RUNX1: variants seen among roughly 807,000 people sequenced by gnomAD.
RUNX1 encodes the protein RUNX family transcription factor 1.
In RUNX1, 19 loss-of-function variants were observed where a neutral mutation model predicts 42.8. The observed-to-expected ratio is 0.44, with a 90% CI of 0.31 to 0.65. The LOEUF (loss-of-function observed/expected upper bound fraction) is 0.65. RUNX1 is among the 30% of genes least tolerant of loss of function. RUNX1 has a pLI of 0.07. For missense variants in RUNX1, 528 were observed against 672.0 expected, an observed-to-expected ratio of 0.79 and a Z score of 2.37; for synonymous variants, 271 against 289.4, an observed-to-expected ratio of 0.94 and a Z score of 0.64.
chr21:35,044,377 CT>C (rs1464053056), intron 2 of RUNX1, among the ~76,000 whole-genome samples: 2 of 152,218 alleles, frequency 1.3e-5, no homozygotes, highest in Non-Finnish European at 2.9e-5. Flanking sequence ...TGGCTGCCTT[CT>C]TAGATAACTG....
chr21:34,993,495 CCCTACACACACA>C (rs887849103), intron 2 of RUNX1, among the ~76,000 whole-genome samples: 1 of 119,020 alleles, frequency 8.4e-6, no homozygotes, highest in African/African-American at 5.0e-5. Flanking sequence ...GTTTGTTTGT[CCCTACACACACA>C]CACACACACA....
chr21:35,023,786 C>T (rs1315946130), intron 2 of RUNX1, among the ~76,000 whole-genome samples: 1 of 152,042 alleles, frequency 6.6e-6, no homozygotes, highest in Non-Finnish European at 1.5e-5. Flanking sequence ...CAAGTGGGTA[C>T]ACAATTGAGG....
At chr21:34,933,785 G>A (rs934979583) in intron 2 of RUNX1, among the ~76,000 whole-genome samples, 8 of 152,248 alleles carry the variant, frequency 5.3e-5, no homozygotes, top group Admixed American at 3.3e-4. Context: ...CTTGCTTCTG[G>A]GTCTGGGTGG....
chr21:34,805,232 A>C (rs2056662990), intron 7 of RUNX1, among the ~76,000 whole-genome samples: 1 of 152,250 alleles, frequency 6.6e-6, no homozygotes, highest in Non-Finnish European at 1.5e-5. Context: ...GAACTGTGAG[A>C]AAGTTTCAAA....
At chr21:34,944,537 G>C (rs1414571034) in intron 2 of RUNX1, among the ~76,000 whole-genome samples, 1 of 152,142 alleles carries the variant, frequency 6.6e-6, no homozygotes, top group African/African-American at 2.4e-5. Flanking sequence ...TATTGCTTTG[G>C]GTGGTTGGCC....
intron 6 of RUNX1, among the ~76,000 whole-genome samples, chr21:34,857,856 T>C (rs1174097333): frequency 6.6e-6 from 1 of 152,246 alleles, no homozygotes; most frequent in Non-Finnish European, 1.5e-5. Flanking sequence ...CAGTCATTCC[T>C]TAGACCTGTG....
At chr21:34,931,347 TATAC>T (rs1355257409) in intron 2 of RUNX1, among the ~76,000 whole-genome samples, 16 of 145,830 alleles carry the variant, frequency 1.1e-4, no homozygotes, top group African/African-American at 3.8e-4. Flanking sequence ...TATATATATA[TATAC>T]ATGTGTATAT....
chr21:35,002,690 A>G (rs577822985), intron 2 of RUNX1, among the ~76,000 whole-genome samples: 1 of 152,046 alleles, frequency 6.6e-6, no homozygotes, highest in South Asian at 2.1e-4. Context: ...GCCCTCCCAA[A>G]CTGCTGGGAT....
chr21:34,880,465 T>C lies in RUNX1; in HGVS notation c.508+92A>G, dbSNP rs1363772567. Reference sequence around the variant, plus strand: ...AGAATGTTAAGACAGACCGAGTTTCTAGGGATTCCATCACAGAAATCACTA... The same window carrying C: ...AGAATGTTAAGACAGACCGAGTTTCCAGGGATTCCATCACAGAAATCACTA... On this transcript the variant is annotated intron_variant, in intron 5 of 8. Transcript: ENST00000675419. The C allele has an allele frequency of 3.3e-6, 4 of 1,219,748 alleles. No homozygotes were observed. In the African/African-American group the frequency reaches 5.9e-5, roughly 18 times the overall value. 75.6% of individuals were successfully genotyped at this position (1,219,748 alleles called of 1,614,324 possible). A position where few individuals can be genotyped will look rare whatever the true frequency, so the allele number is the denominator to read the frequency against.
chr21:35,044,618 C>T (rs1284888222), intron 2 of RUNX1, among the ~76,000 whole-genome samples: 1 of 152,176 alleles, frequency 6.6e-6, no homozygotes, highest in Non-Finnish European at 1.5e-5. Flanking sequence ...TGAGCACATT[C>T]CCTGCACAGA....
chr21:34,879,692 T>A (rs2057866433), intron 5 of RUNX1, among the ~76,000 whole-genome samples: 1 of 152,188 alleles, frequency 6.6e-6, no homozygotes, highest in South Asian at 2.1e-4. Flanking sequence ...TAAAAAACTA[T>A]CTTACCTCCC....
intron 2 of RUNX1, among the ~76,000 whole-genome samples, chr21:35,014,800 A>G (rs955870453): frequency 1.3e-5 from 2 of 152,244 alleles, no homozygotes; most frequent in Admixed American, 1.3e-4. Context: ...CTTGTGTGCC[A>G]TGGAGCCCTC....
intron 2 of RUNX1, among the ~76,000 whole-genome samples, chr21:34,936,605 T>A (rs2058487385): frequency 1.3e-5 from 2 of 152,170 alleles, no homozygotes; most frequent in Admixed American, 1.3e-4. Flanking sequence ...TGCCCAGGGA[T>A]GGGACTGCAA....
At chr21:34,950,437 T>A (rs56942413) in intron 2 of RUNX1, among the ~76,000 whole-genome samples, 7,559 of 152,248 alleles carry the variant, frequency 0.05, 599 homozygotes, top group African/African-American at 0.17. Context: ...GGAAATGCCT[T>A]GTACATAACT....
At chr21:34,955,209 T>C (rs1474609030) in intron 2 of RUNX1, among the ~76,000 whole-genome samples, 1 of 151,984 alleles carries the variant, frequency 6.6e-6, no homozygotes, top group Non-Finnish European at 1.5e-5. Context: ...CGAATCCAGA[T>C]CTTTGTGGGT....
At chr21:35,022,570 T>C (rs1375737885) in intron 2 of RUNX1, among the ~76,000 whole-genome samples, 1 of 152,150 alleles carries the variant, frequency 6.6e-6, no homozygotes, top group Non-Finnish European at 1.5e-5. Context: ...AAGAAACAAG[T>C]GCATATAGAT....
intron 2 of RUNX1, among the ~76,000 whole-genome samples, chr21:34,928,072 TG>T (rs1216844501): frequency 1.4e-4 from 22 of 152,210 alleles, no homozygotes; most frequent in African/African-American, 4.8e-4. Context: ...CACTATGGAG[TG>T]ACAACATCCA....
intron 5 of RUNX1, among the ~76,000 whole-genome samples, chr21:34,860,532 T>TGC (rs142712976): frequency 4.1e-5 from 6 of 146,922 alleles, no homozygotes; most frequent in African/African-American, 1.3e-4. Context: ...TGTCTGTGCG[T>TGC]GTGTGTGTGT....
At chr21:35,040,044 C>T (rs1404606665) in intron 2 of RUNX1, among the ~76,000 whole-genome samples, 2 of 152,180 alleles carry the variant, frequency 1.3e-5, no homozygotes, top group South Asian at 2.1e-4. Context: ...ACTTTTTCTC[C>T]TCCTTTTAGT....
Sources: gnomAD v4.1 joint callset for allele counts (sites outside exome capture counted in the v4.1 genomes callset) on GRCh38, gnomAD v4.1.1 for gene constraint, MANE v1.5 for transcripts, NCBI Gene and HGNC (gene_info 2026-07-23, HGNC 2026-07-21) for gene names.